MSH3: variants seen among roughly 807,000 people sequenced by gnomAD.
MSH3 encodes mutS homolog 3, also known as DNA mismatch repair protein Msh3.
In MSH3, 106 loss-of-function variants were observed where a neutral mutation model predicts 123.3. The ratio of observed to expected loss-of-function variants is 0.86; its 90% CI spans 0.73 to 1.01. The LOEUF (loss-of-function observed/expected upper bound fraction) is 1.01. MSH3 is among the 50% of genes least tolerant of loss of function. MSH3 has a pLI of 0.00. For synonymous variants in MSH3, 515 were observed against 481.4 expected (o/e 1.07, Z -0.91); for missense variants, 1,459 against 1,347.6 (o/e 1.08, Z -1.29).
chr5:80,789,368 CTT>C (rs554381029), intron 18 of MSH3, among the ~76,000 whole-genome samples: 10 of 139,084 alleles, frequency 7.2e-5, no homozygotes, highest in Non-Finnish European at 9.4e-5. Flanking sequence ...ACTGTAGTCA[CTT>C]TTTTTTTTTT....
chr5:80,839,671 C>T (rs1024869772), intron 20 of MSH3, among the ~76,000 whole-genome samples: 4 of 152,156 alleles, frequency 2.6e-5, no homozygotes, highest in African/African-American at 9.7e-5. Flanking sequence ...GACCATAATC[C>T]TCCTACCCAG....
intron 19 of MSH3, among the ~76,000 whole-genome samples, chr5:80,798,133 A>T (rs1033500656): frequency 6.6e-6 from 1 of 152,160 alleles, no homozygotes; most frequent in Non-Finnish European, 1.5e-5. Flanking sequence ...AAACGTGCAC[A>T]ACAGGAAGAT....
chr5:80,775,635 A>G (rs1744284190), intron 15 of MSH3, 59 bp from the exon 16 acceptor site: 1 of 978,248 alleles, frequency 1.0e-6, no homozygotes, highest in South Asian at 1.4e-5. Flanking sequence ...ATTTGGGGAA[A>G]GCTTTAAAAT....
chr5:80,672,656 A>G, intron 5 of MSH3, 85 bp from the exon 6 acceptor site: 1 of 1,086,260 alleles, frequency 9.2e-7, no homozygotes, highest in Non-Finnish European at 1.4e-6. Flanking sequence ...TAACCATTTC[A>G]GAATTGACGT....
intron 20 of MSH3, among the ~76,000 whole-genome samples, chr5:80,820,731 A>G (rs1745190945): frequency 6.6e-6 from 1 of 152,194 alleles, no homozygotes; most frequent in Non-Finnish European, 1.5e-5. Context: ...TTTCTATGTA[A>G]GTTTCGGTCT....
Position 80,810,948 on chromosome 5 carries a change from T to C in MSH3, c.2656-2636T>C, listed in dbSNP as rs1744998596. On this transcript the variant is annotated intron_variant, in intron 19 of 23. Coordinates refer to ENST00000265081, the MANE Select transcript of MSH3 (RefSeq NM_002439.5). Reference sequence around the variant, plus strand: ...AAATCTGAAATGCTCCAATGAGCATTTCTTTTGAGCATCATATTGTTGCTC... The same window carrying C: ...AAATCTGAAATGCTCCAATGAGCATCTCTTTTGAGCATCATATTGTTGCTC... Among the ~76,000 whole-genome samples, 3 of 152,224 alleles carry C rather than the reference T, an allele frequency of 2.0e-5. No individual in the cohort carries two copies. The South Asian group carries it at 6.2e-4, about 32-fold the overall frequency.
intron 8 of MSH3, among the ~76,000 whole-genome samples, chr5:80,680,150 C>T (rs906952055): frequency 8.6e-5 from 13 of 151,768 alleles, no homozygotes; most frequent in Non-Finnish European, 1.6e-4. Flanking sequence ...TTCCCAGCTA[C>T]CCCGGAGGCT....
intron 10 of MSH3, among the ~76,000 whole-genome samples, chr5:80,734,476 C>T (rs1580592948): frequency 6.6e-6 from 1 of 152,294 alleles, no homozygotes; most frequent in East Asian, 1.9e-4. Context: ...AGTTGATAGA[C>T]ACATACACAC....
At chr5:80,811,882 CTG>C (rs1745015537) in intron 19 of MSH3, among the ~76,000 whole-genome samples, 1 of 151,976 alleles carries the variant, frequency 6.6e-6, no homozygotes, top group Non-Finnish European at 1.5e-5. Context: ...TTTTTAATCT[CTG>C]TAGAATTCAT....
intron 8 of MSH3, among the ~76,000 whole-genome samples, chr5:80,711,896 C>T (rs887821574): frequency 4.6e-5 from 7 of 152,102 alleles, no homozygotes; most frequent in Non-Finnish European, 2.9e-5. Context: ...TCAAGTGATC[C>T]ACCTGTCTCG....
chr5:80,657,856 C>T (rs866749487), intron 2 of MSH3, among the ~76,000 whole-genome samples: 5 of 136,152 alleles, frequency 3.7e-5, no homozygotes, highest in Non-Finnish European at 5.0e-5. Context: ...TGCAAGGAGG[C>T]GTGACTTGAG....
In MSH3 at chr5:80,833,804, C is replaced by T. The variant is rs147353207; in HGVS notation, c.2813+20063C>T. Among the ~76,000 whole-genome samples, 580 of 152,264 alleles carry T rather than the reference C, an allele frequency of 3.8e-3. 2 individuals carry two copies. The highest frequency in any genetic ancestry group is 6.8e-3 in the Non-Finnish European group (461 of 68,024). On this transcript the variant is annotated intron_variant, in intron 20 of 23. Transcript: ENST00000265081. Reference sequence around the variant, plus strand: ...AACTGATTTTAGGCGTGAGCCACTGCGCCCAGCCATCTTAGGCACTTTACT... The same window carrying T: ...AACTGATTTTAGGCGTGAGCCACTGTGCCCAGCCATCTTAGGCACTTTACT...
intron 12 of MSH3, among the ~76,000 whole-genome samples, chr5:80,753,712 A>G (rs900416653): frequency 2.0e-5 from 3 of 152,040 alleles, no homozygotes; most frequent in Admixed American, 6.6e-5. Context: ...TAAACAATCC[A>G]TGGCCTTTCC....
intron 23 of MSH3, among the ~76,000 whole-genome samples, chr5:80,874,694 A>G (rs1010510296): frequency 6.6e-6 from 1 of 152,192 alleles, no homozygotes; most frequent in Non-Finnish European, 1.5e-5. Context: ...TGCTGTAGAA[A>G]TATATGCAAG....
intron 8 of MSH3, among the ~76,000 whole-genome samples, chr5:80,684,390 TCA>T (rs1357440056): frequency 6.6e-6 from 1 of 152,204 alleles, no homozygotes; most frequent in Non-Finnish European, 1.5e-5. Flanking sequence ...TAGAGATCTT[TCA>T]CTTCTTTGGT....
In MSH3 at chr5:80,686,005, A is replaced by C. The variant is rs139066828; in HGVS notation, c.1340+6912A>C. Among the ~76,000 whole-genome samples, 1,220 of 152,304 alleles carry C rather than the reference A, an allele frequency of 8.0e-3. 19 individuals are homozygous for C. Among genetic ancestry groups the C allele is most frequent in the Middle Eastern group, 0.031 (9 of 294 alleles). ...TTTCTAGTTTTATTTCATTGTGGTC[A>C]GAGAAGATTCTTGATATTATTTCAG... On this transcript the variant is annotated intron_variant, in intron 8 of 23. Transcript: ENST00000265081.
intron 15 of MSH3, among the ~76,000 whole-genome samples, chr5:80,769,877 A>AT (rs895043691): frequency 1.9e-4 from 29 of 152,236 alleles, no homozygotes; most frequent in African/African-American, 6.7e-4. Context: ...ATGTATAGTT[A>AT]TTTGAAATAA....
At chr5:80,818,395 G>A (rs1343447985) in intron 20 of MSH3, among the ~76,000 whole-genome samples, 14 of 14,018 alleles carry the variant, frequency 1.0e-3, no homozygotes, top group East Asian at 3.1e-3. Flanking sequence ...CAAATAAATA[G>A]CAATGACAAA....
chr5:80,701,131 A>AT (rs1311368259), intron 8 of MSH3, among the ~76,000 whole-genome samples: 1 of 152,228 alleles, frequency 6.6e-6, no homozygotes, highest in Admixed American at 6.5e-5. Context: ...ATCTTAAAAA[A>AT]ATCCTACACT....
Sources: gnomAD v4.1 joint callset for allele counts (sites outside exome capture counted in the v4.1 genomes callset) on GRCh38, gnomAD v4.1.1 for gene constraint, MANE v1.5 for transcripts, NCBI Gene and HGNC (gene_info 2026-07-23, HGNC 2026-07-21) for gene names.